KPNA1: variants seen among roughly 807,000 people sequenced by gnomAD.
KPNA1 encodes karyopherin subunit alpha 1.
KPNA1 carries 10 observed loss-of-function variants against 70.5 expected under a neutral mutation model. The observed-to-expected ratio is 0.14, with a 90% CI of 0.09 to 0.24. KPNA1 has a LOEUF of 0.24. Among genes scored for constraint, KPNA1 ranks in the 10% least tolerant of loss-of-function variants. The probability of loss-of-function intolerance (pLI) is 1.00; values close to 1 mark genes in which losing one functional copy is unlikely to be tolerated. For synonymous variants in KPNA1, 192 were observed against 221.9 expected, an observed-to-expected ratio of 0.87 and a Z score of 1.20; for missense variants, 397 against 637.9, an observed-to-expected ratio of 0.62 and a Z score of 4.07.
At chr3:122,452,673 AGGAGGGAAGGAG>A (rs1200837140) in intron 6 of KPNA1, among the ~76,000 whole-genome samples, 4 of 85,656 alleles carry the variant, frequency 4.7e-5, no homozygotes, top group Non-Finnish European at 6.8e-5. Flanking sequence ...AAGCAAGAGA[AGGAGGGAAGGAG>A]GGAGGGAGGG....
chr3:122,459,615 G>T (rs530000804), intron 5 of KPNA1: 3 of 985,402 alleles, frequency 3.0e-6, no homozygotes, highest in South Asian at 9.4e-5. Flanking sequence ...GGGTGAACGT[G>T]ATTATTTTTC....
intron 6 of KPNA1, among the ~76,000 whole-genome samples, chr3:122,452,691 G>C (rs2076221277): frequency 1.4e-5 from 2 of 141,744 alleles, no homozygotes; most frequent in Admixed American, 1.4e-4. Context: ...AGGAGGGAGG[G>C]AGGGAGAGAC....
At chr3:122,498,676 G>A (rs1352426925) in intron 1 of KPNA1, among the ~76,000 whole-genome samples, 1 of 152,094 alleles carries the variant, frequency 6.6e-6, no homozygotes. Flanking sequence ...TTTTGAACTC[G>A]AAAAATGTCA....
At chr3:122,452,560 G>GGGAGGGAGGGAA (rs2076216201) in intron 6 of KPNA1, among the ~76,000 whole-genome samples, 1 of 34,742 alleles carries the variant, frequency 2.9e-5, no homozygotes, top group African/African-American at 1.1e-4. Context: ...GAGGGAGGGA[G>GGGAGGGAGGGAA]GGAGGGAAGG....
intron 2 of KPNA1, among the ~76,000 whole-genome samples, chr3:122,484,265 T>C (rs919434156): frequency 1.3e-5 from 2 of 152,208 alleles, no homozygotes; most frequent in African/African-American, 2.4e-5. Flanking sequence ...TAAAAAAGAA[T>C]TACAATACAC....
chr3:122,467,396 C>G lies in KPNA1; in HGVS notation c.163G>C (p.Glu55Gln), dbSNP rs1392330060. ...GACATAACTTCTTCTTCTGTTTCTT[C>G]TTCTGCTGTAGCAACATTTCTCCGC... Reference protein sequence around the residue: ...FKRRNVATAEEETEEEVMSDG... With the variant: ...FKRRNVATAEQETEEEVMSDG... Residue 55 changes from glutamate to glutamine, a missense_variant, in exon 3 of 14, where the codon GAA becomes CAA. Glu to Gln is a conservative substitution (Grantham distance 29). Coordinates refer to ENST00000344337, the MANE Select transcript of KPNA1 (RefSeq NM_002264.4). 1 of 1,610,168 alleles carries G rather than the reference C, an allele frequency of 6.2e-7. No individual in the cohort carries two copies.
At chr3:122,491,839 T>C (rs999606908) in intron 2 of KPNA1, among the ~76,000 whole-genome samples, 2 of 151,162 alleles carry the variant, frequency 1.3e-5, no homozygotes, top group Non-Finnish European at 2.9e-5. Flanking sequence ...AAGCAATGCT[T>C]TGACCATCAC....
At chr3:122,439,800 C>T (rs988409316) in intron 10 of KPNA1, among the ~76,000 whole-genome samples, 3 of 151,684 alleles carry the variant, frequency 2.0e-5, no homozygotes, top group Non-Finnish European at 4.4e-5. Flanking sequence ...GATCTAGTAA[C>T]AATAACAATC....
In KPNA1 at chr3:122,426,110, TA is replaced by T. The variant is rs2075819916; in HGVS notation, c.*874del. 1 of 152,200 alleles carries T rather than the reference TA, an allele frequency of 6.6e-6. No homozygotes were observed. Among genetic ancestry groups the T allele is most frequent in the Admixed American group, 6.5e-5 (1 of 15,286 alleles). 9.4% of individuals were successfully genotyped at this position (152,200 alleles called of 1,614,324 possible). On this transcript the variant is annotated 3_prime_UTR_variant, in exon 14 of 14. Coordinates refer to ENST00000344337, the MANE Select transcript of KPNA1 (RefSeq NM_002264.4). ...GAAAATTGGAGGGTTTTTTCGTCCT[TA>T]GTTTTTTTTATTAAATTACAGGATA... is the stretch of plus-strand genomic sequence containing the variant.
chr3:122,491,812 G>GTT (rs1385111043), intron 2 of KPNA1, among the ~76,000 whole-genome samples: 35 of 149,632 alleles, frequency 2.3e-4, no homozygotes, highest in Non-Finnish European at 5.0e-4. Context: ...AGTTATAAGA[G>GTT]GTGAGCTAAG....
intron 2 of KPNA1, among the ~76,000 whole-genome samples, chr3:122,481,186 TACATACATAGAAATAAAA>T (rs2076566822): frequency 6.6e-6 from 1 of 152,186 alleles, no homozygotes; most frequent in African/African-American, 2.4e-5. Flanking sequence ...TACCGTATAG[TACATACATAGAAATAAAA>T]ACATACATCC....
At chr3:122,434,045 T>G (rs930843560) in intron 11 of KPNA1, among the ~76,000 whole-genome samples, 1 of 152,134 alleles carries the variant, frequency 6.6e-6, no homozygotes, top group Non-Finnish European at 1.5e-5. Context: ...CAAGTGATTC[T>G]CCTGCCTCAG....
chr3:122,464,183 T>C (rs1002354192), intron 3 of KPNA1, 142 bp from the exon 4 acceptor site: 11 of 437,378 alleles, frequency 2.5e-5, no homozygotes, highest in African/African-American at 1.2e-4. Context: ...TCTTTACATA[T>C]AGAAACGTGT....
chr3:122,432,070 G>T, intron 12 of KPNA1, among the ~76,000 whole-genome samples: 1 of 152,132 alleles, frequency 6.6e-6, no homozygotes, highest in East Asian at 1.9e-4. Flanking sequence ...CCAAAGTGGT[G>T]GGATTACAGA....
intron 13 of KPNA1, 112 bp from the exon 14 acceptor site, chr3:122,427,284 AAAG>A: frequency 1.2e-6 from 1 of 839,620 alleles, no homozygotes; most frequent in Non-Finnish European, 1.8e-6. Flanking sequence ...TTCTTGATGT[AAAG>A]AAAGATTATT....
chr3:122,506,638 T>A (rs912297417), intron 1 of KPNA1, among the ~76,000 whole-genome samples: 1 of 152,238 alleles, frequency 6.6e-6, no homozygotes, highest in Non-Finnish European at 1.5e-5. Context: ...GGCAGACATA[T>A]GATTCATAGG....
rs912621901 is a variant in KPNA1 at position 122,444,670 on chromosome 3, C to T, written c.918-2554G>A. ...CATACAGGCGGGTGCCCCTCTGGGACGAAGCTTCCAGAGAAAATATCAGGC... is the reference window on the plus strand; with the variant it reads ...CATACAGGCGGGTGCCCCTCTGGGATGAAGCTTCCAGAGAAAATATCAGGC... On this transcript the variant is annotated intron_variant, in intron 9 of 13. Coordinates refer to ENST00000344337, the MANE Select transcript of KPNA1 (RefSeq NM_002264.4). Among the ~76,000 whole-genome samples, 8 of 152,234 alleles carry T rather than the reference C, an allele frequency of 5.3e-5. No individual in the cohort carries two copies. In the South Asian group the frequency reaches 8.3e-4, roughly 16 times the overall value.
intron 5 of KPNA1, among the ~76,000 whole-genome samples, chr3:122,458,385 G>A (rs1373637258): frequency 1.3e-5 from 2 of 152,146 alleles, no homozygotes; most frequent in Non-Finnish European, 2.9e-5. Flanking sequence ...TTCCACCCAT[G>A]TTCACCTTCA....
intron 1 of KPNA1, among the ~76,000 whole-genome samples, chr3:122,503,189 T>C (rs1476222373): frequency 2.6e-5 from 4 of 151,962 alleles, no homozygotes; most frequent in Non-Finnish European, 4.4e-5. Flanking sequence ...GGAAGTAACT[T>C]AGAGGTCTGT....
Sources: allele counts gnomAD v4.1 joint callset (sites outside exome capture counted in the v4.1 genomes callset), GRCh38; gene constraint gnomAD v4.1.1; transcripts MANE v1.5; gene names NCBI Gene and HGNC (gene_info 2026-07-23, HGNC 2026-07-21).